The following KLRF1 variants were observed in gnomAD, a reference collection of about 807,000 sequenced individuals.
The protein encoded by KLRF1 is killer cell lectin-like receptor subfamily F member 1.
A neutral mutation model predicts 30.7 loss-of-function variants in KLRF1; 27 were observed. That is an observed-to-expected ratio of 0.88 (90% confidence interval 0.65 to 1.21). The LOEUF is 1.21. Among genes scored for constraint, KLRF1 ranks in the 50% most tolerant of loss-of-function variants. KLRF1 has a pLI of 0.00. For missense variants in KLRF1, 246 were observed against 259.3 expected, an observed-to-expected ratio of 0.95 and a Z score of 0.35; for synonymous variants, 92 against 89.3, an observed-to-expected ratio of 1.03 and a Z score of -0.17.
upstream of KLRF1, among the ~76,000 whole-genome samples, chr12:9,824,949 A>G (rs1375806311): frequency 4.6e-5 from 7 of 152,194 alleles, no homozygotes; most frequent in Non-Finnish European, 7.3e-5. Flanking sequence ...ATTACAAAAC[A>G]TTGCTTAAAG....
At chr12:9,812,284 GA>G in the KLRF1 span, among the ~76,000 whole-genome samples, 3 of 150,390 alleles carry the variant, frequency 2.0e-5, no homozygotes, top group Admixed American at 1.3e-4. Flanking sequence ...AGAATGGTGT[GA>G]ATCCGGGAGT....
At position 9,832,540 on chromosome 12, in the gene KLRF1, T is replaced by C. The variant is rs143176415; in HGVS notation, c.184+126T>C. ...CAAGATTGAATTAGAAGCTACTGCA[T>C]GTAAAGCTCTATTAGTACACTCCAC... On this transcript the variant is annotated intron_variant, in intron 2 of 5. Coordinates refer to ENST00000617889, the MANE Select transcript of KLRF1 (RefSeq NM_016523.3). 562 of 621,088 alleles carry C rather than the reference T, an allele frequency of 9.0e-4. 3 individuals carry two copies. The highest frequency in any genetic ancestry group is 8.8e-3 in the African/African-American group (475 of 54,220). 38.5% of individuals were successfully genotyped at this position (621,088 alleles called of 1,614,324 possible).
chr12:9,805,375 G>A, the KLRF1 span, among the ~76,000 whole-genome samples: 2 of 151,862 alleles, frequency 1.3e-5, 1 homozygote, highest in African/African-American at 4.8e-5. Flanking sequence ...AGGGATGGAA[G>A]GGCCCAAAGG....
chr12:9,841,114 T>C (rs1867691786), intron 3 of KLRF1, among the ~76,000 whole-genome samples: 1 of 152,058 alleles, frequency 6.6e-6, no homozygotes. Flanking sequence ...TTCCATACCA[T>C]GGAATACTAT....
At position 9,842,309 on chromosome 12, in the gene KLRF1, T is replaced by C. The variant is rs989764665; in HGVS notation, c.475-12T>C. 5.0e-6 allele frequency: 8 copies of C among 1,609,556 alleles called. No individual in the cohort carries two copies. In the Admixed American group the frequency reaches 1.3e-4, roughly 27 times the overall value. ...AATATTTTGTTCATTTAGTCCCTCG[T>C]CCACATTTTAGGCTTTTATACAGAA... On this transcript the variant is annotated splice_polypyrimidine_tract_variant and intron_variant, in intron 4 of 5. Coordinates refer to ENST00000617889, the MANE Select transcript of KLRF1 (RefSeq NM_016523.3).
chr12:9,804,215 A>C, the KLRF1 span, among the ~76,000 whole-genome samples: 3 of 150,928 alleles, frequency 2.0e-5, no homozygotes, highest in Non-Finnish European at 4.4e-5. Flanking sequence ...GCCTTTTTTC[A>C]ATTTGTGTCT....
intron 1 of KLRF1, among the ~76,000 whole-genome samples, chr12:9,829,760 A>G (rs1295912507): frequency 1.3e-5 from 2 of 152,236 alleles, no homozygotes; most frequent in African/African-American, 4.8e-5. Flanking sequence ...CCCTGTCTCA[A>G]ATAAATAAAT....
At chr12:9,842,230 C>T in intron 4 of KLRF1, 91 bp from the exon 5 acceptor site, 1 of 1,363,990 alleles carries the variant, frequency 7.3e-7, no homozygotes, top group African/African-American at 1.4e-5. Flanking sequence ...AATCCCTATG[C>T]AGAGTGCTTT....
At chr12:9,839,942 G>T (rs1468135754) in intron 3 of KLRF1, among the ~76,000 whole-genome samples, 22 of 152,106 alleles carry the variant, frequency 1.4e-4, no homozygotes, top group Non-Finnish European at 2.8e-4. Context: ...AATGGAAGCA[G>T]CTCAGATGTC....
chr12:9,838,107 G>A (rs1867622347), intron 3 of KLRF1, among the ~76,000 whole-genome samples: 1 of 152,084 alleles, frequency 6.6e-6, no homozygotes, highest in Admixed American at 6.6e-5. Context: ...TTAGCTTCTG[G>A]AGGCAATCTT....
chr12:9,832,728 G>A (rs1357493775), intron 2 of KLRF1, among the ~76,000 whole-genome samples: 13 of 151,474 alleles, frequency 8.6e-5, no homozygotes, highest in Non-Finnish European at 1.9e-4. Flanking sequence ...GTTTTTCTGT[G>A]TTTCTTGGAT....
chr12:9,843,714 A>G (rs1014347510), intron 5 of KLRF1, among the ~76,000 whole-genome samples: 1 of 152,164 alleles, frequency 6.6e-6, no homozygotes, highest in Admixed American at 6.6e-5. Flanking sequence ...AATATGTTCA[A>G]TACAAAATTT....
chr12:9,800,489 A>G, the KLRF1 span, among the ~76,000 whole-genome samples: 4 of 151,972 alleles, frequency 2.6e-5, no homozygotes, highest in African/African-American at 9.7e-5. Flanking sequence ...TGAGTCTCCA[A>G]AGTCCATTAT....
the KLRF1 span, among the ~76,000 whole-genome samples, chr12:9,819,066 A>G: frequency 1.3e-5 from 2 of 152,246 alleles, no homozygotes; most frequent in East Asian, 3.9e-4. Flanking sequence ...GGGGGAGCAC[A>G]ATTCTCCCAT....
At chr12:9,817,976 TCTG>T in the KLRF1 span, 1 of 209,686 alleles carries the variant, frequency 4.8e-6, no homozygotes, top group South Asian at 1.2e-4. Flanking sequence ...ATACGAATCT[TCTG>T]CTGGCACAGA....
intron 3 of KLRF1, among the ~76,000 whole-genome samples, chr12:9,839,732 G>T (rs1342241736): frequency 6.6e-6 from 1 of 152,052 alleles, no homozygotes; most frequent in East Asian, 1.9e-4. Flanking sequence ...TGTTGGTGAG[G>T]ATGTGGAGAA....
In KLRF1 at chr12:9,841,800, A is replaced by AT. The variant is rs1408945378; in HGVS notation, c.335-9dup. The AT allele has an allele frequency of 1.3e-6, 2 of 1,583,414 alleles. No homozygotes were observed. The highest frequency in any genetic ancestry group is 2.7e-5 in the African/African-American group (2 of 73,262). ...AATTTAATTTCATTTTGTTTTCTACATTTCTCTGTAGTACTATGCCAATCA... is the reference window on the plus strand; with the variant it reads ...AATTTAATTTCATTTTGTTTTCTACATTTTCTCTGTAGTACTATGCCAATCA... On this transcript the variant is annotated splice_polypyrimidine_tract_variant and intron_variant, in intron 3 of 5. Coordinates refer to ENST00000617889, the MANE Select transcript of KLRF1 (RefSeq NM_016523.3).
At chr12:9,842,181 AATGTGTGTATAAGTAAGAT>A in intron 4 of KLRF1, 121 bp from the exon 5 acceptor site, 5 of 876,922 alleles carry the variant, frequency 5.7e-6, no homozygotes, top group Non-Finnish European at 8.6e-6. Flanking sequence ...TATATGATAT[AATGTGTGTATAAGTAAGAT>A]ATGAATTGAT....
At chr12:9,810,968 A>C in the KLRF1 span, among the ~76,000 whole-genome samples, 1 of 152,200 alleles carries the variant, frequency 6.6e-6, no homozygotes, top group Non-Finnish European at 1.5e-5. Context: ...TTAGAACTAC[A>C]CATAACCACA....
Sources: gnomAD v4.1 joint callset for allele counts (sites outside exome capture counted in the v4.1 genomes callset) on GRCh38, gnomAD v4.1.1 for gene constraint, MANE v1.5 for transcripts, NCBI Gene and HGNC (gene_info 2026-07-23, HGNC 2026-07-21) for gene names.